Variants in CRIM1 observed in about 807,000 individuals in gnomAD.
CRIM1 encodes cysteine-rich motor neuron 1 protein.
Under a neutral mutation model 116.4 loss-of-function variants are expected in CRIM1, and 32 were observed. The ratio of observed to expected loss-of-function variants is 0.27; its 90% CI spans 0.21 to 0.37. The LOEUF (loss-of-function observed/expected upper bound fraction) is 0.37. CRIM1 is among the 10% of genes least tolerant of loss of function. CRIM1 has a pLI of 1.00. For synonymous variants in CRIM1, 590 were observed against 509.2 expected, an observed-to-expected ratio of 1.16 and a Z score of -2.13; for missense variants, 1,331 against 1,354.8, an observed-to-expected ratio of 0.98 and a Z score of 0.28.
chr2:36,396,114 T>C (rs1672011110), intron 1 of CRIM1, among the ~76,000 whole-genome samples: 1 of 152,118 alleles, frequency 6.6e-6, no homozygotes, highest in Admixed American at 6.6e-5. Context: ...CTCACTGTGT[T>C]GCCCAGGCTG....
chr2:36,521,288 G>GT (rs1665374206), intron 12 of CRIM1, among the ~76,000 whole-genome samples: 1 of 152,090 alleles, frequency 6.6e-6, no homozygotes, highest in Admixed American at 6.5e-5. Context: ...TTTCTCTGTG[G>GT]TTGCATCCTT....
chr2:36,542,770 C>T (rs370273458), intron 14 of CRIM1, among the ~76,000 whole-genome samples: 1 of 152,246 alleles, frequency 6.6e-6, no homozygotes, highest in South Asian at 2.1e-4. Context: ...CTTTTCTGCC[C>T]ATATTCACCC....
chr2:36,497,763 A>G (rs534837340), intron 7 of CRIM1, among the ~76,000 whole-genome samples: 1 of 152,344 alleles, frequency 6.6e-6, no homozygotes, highest in East Asian at 1.9e-4. Flanking sequence ...TTAGTAAGTC[A>G]TCGTTGCCTG....
At chr2:36,383,224 AATT>A (rs1268167269) in intron 1 of CRIM1, among the ~76,000 whole-genome samples, 1 of 152,192 alleles carries the variant, frequency 6.6e-6, no homozygotes, top group African/African-American at 2.4e-5. Flanking sequence ...TTTGGAAGCA[AATT>A]ATTTTCTACA....
chr2:36,440,169 A>G (rs144841006), intron 2 of CRIM1, among the ~76,000 whole-genome samples: 32 of 152,308 alleles, frequency 2.1e-4, no homozygotes, highest in African/African-American at 4.8e-4. Flanking sequence ...AAGTTTACCA[A>G]TGACCTTAGC....
chr2:36,538,361 T>C (rs1479813594), intron 14 of CRIM1, among the ~76,000 whole-genome samples: 1 of 152,120 alleles, frequency 6.6e-6, no homozygotes, highest in East Asian at 1.9e-4. Flanking sequence ...TTCCCGGTGG[T>C]ATAGACCACA....
chr2:36,441,622 A>G (rs907321699), intron 3 of CRIM1, 122 bp downstream of exon 3: 43 of 1,280,512 alleles, frequency 3.4e-5, no homozygotes, highest in Non-Finnish European at 4.6e-5. Flanking sequence ...GTGTCCTGTG[A>G]ATCTGCCACT....
chr2:36,517,681 A>G, intron 12 of CRIM1, 139 bp downstream of exon 12: 1 of 741,460 alleles, frequency 1.3e-6, no homozygotes, highest in East Asian at 2.7e-5. Flanking sequence ...AACAGCTGGC[A>G]GCCTGCTTCC....
Position 36,522,316 on chromosome 2 carries a change from A to G in CRIM1, c.2428+3A>G. On this transcript the variant is annotated splice_donor_region_variant and intron_variant, in intron 13 of 16. Transcript: ENST00000280527. ...CCAGTGTTGTCCCTACTGCATAGGT[A>G]AGACCAAGGAAAAAAAAATCCCTCA... 2 of 1,605,730 alleles carry G rather than the reference A, an allele frequency of 1.2e-6. No homozygotes were observed. The highest frequency in any genetic ancestry group is 1.7e-6 in the Non-Finnish European group (2 of 1,172,504).
At chr2:36,415,748 C>A (rs1045099967) in intron 2 of CRIM1, among the ~76,000 whole-genome samples, 1 of 152,224 alleles carries the variant, frequency 6.6e-6, no homozygotes, top group African/African-American at 2.4e-5. Flanking sequence ...CTTCCTCCAT[C>A]CCCTAACTGA....
intron 3 of CRIM1, 107 bp downstream of exon 3, chr2:36,441,607 C>T: frequency 7.2e-7 from 1 of 1,397,946 alleles, no homozygotes. Context: ...TGGGCCTTCT[C>T]ACCGGTGTCC....
chr2:36,422,565 G>A (rs1572696289), intron 2 of CRIM1, among the ~76,000 whole-genome samples: 1 of 152,120 alleles, frequency 6.6e-6, no homozygotes, highest in Non-Finnish European at 1.5e-5. Context: ...CATGAATTTA[G>A]GTAGTAATTT....
At chr2:36,500,811 A>G (rs1015708908) in intron 8 of CRIM1, among the ~76,000 whole-genome samples, 1 of 152,238 alleles carries the variant, frequency 6.6e-6, no homozygotes, top group Non-Finnish European at 1.5e-5. Context: ...AGCTGACAAC[A>G]TATATCTCCA....
At chr2:36,380,343 C>T (rs79527212) in intron 1 of CRIM1, among the ~76,000 whole-genome samples, 1,674 of 152,232 alleles carry the variant, frequency 0.011, 23 homozygotes, top group Middle Eastern at 0.041. Context: ...TCAGCACTGC[C>T]CACTATGTCA....
rs1303612780 is a variant in CRIM1, at chr2:36,502,402, T to G, written c.1501+3055T>G. Reference sequence around the variant, plus strand: ...GGATCATCAGCATGTGCTACCTGAGTGCACCTCTGTTTCATTCACACTTAG... The same window carrying G: ...GGATCATCAGCATGTGCTACCTGAGGGCACCTCTGTTTCATTCACACTTAG... On this transcript the variant is annotated intron_variant, in intron 8 of 16. Transcript: ENST00000280527. Among the ~76,000 whole-genome samples, 4 of 152,342 alleles carry G rather than the reference T, an allele frequency of 2.6e-5. No individual in the cohort carries two copies. The East Asian group carries it at 7.7e-4, about 29-fold the overall frequency.
intron 14 of CRIM1, among the ~76,000 whole-genome samples, chr2:36,542,987 A>G (rs1667054450): frequency 6.6e-6 from 1 of 152,178 alleles, no homozygotes; most frequent in South Asian, 2.1e-4. Context: ...GCACCTGCAA[A>G]TGGTAATGTT....
At chr2:36,422,171 T>G (rs750848613) in intron 2 of CRIM1, among the ~76,000 whole-genome samples, 4 of 151,736 alleles carry the variant, frequency 2.6e-5, no homozygotes, top group Non-Finnish European at 5.9e-5. Context: ...GATGTGAATT[T>G]ATAAGTCCTA....
intron 13 of CRIM1, among the ~76,000 whole-genome samples, chr2:36,534,900 A>G (rs576052123): frequency 1.8e-4 from 28 of 152,240 alleles, no homozygotes; most frequent in African/African-American, 6.3e-4. Context: ...ATTGCATTGT[A>G]TGGGCCAAGG....
intron 13 of CRIM1, among the ~76,000 whole-genome samples, chr2:36,526,181 A>AT (rs148118630): frequency 5.9e-5 from 9 of 151,722 alleles, no homozygotes; most frequent in South Asian, 2.1e-4. Flanking sequence ...TGATTCCCTA[A>AT]TTTTTTTTTG....
Sources: gnomAD v4.1 joint callset for allele counts (sites outside exome capture counted in the v4.1 genomes callset) on GRCh38, gnomAD v4.1.1 for gene constraint, MANE v1.5 for transcripts, NCBI Gene and HGNC (gene_info 2026-07-23, HGNC 2026-07-21) for gene names.